The following TUSC3 variants were observed in gnomAD, a reference collection of about 807,000 sequenced individuals.
The protein encoded by TUSC3 is dolichyl-diphosphooligosaccharide--protein glycosyltransferase subunit TUSC3.
TUSC3 carries 45 observed loss-of-function variants against 44.8 expected under a neutral mutation model. The observed-to-expected ratio is 1.00, with a 90% CI of 0.79 to 1.29. The LOEUF (loss-of-function observed/expected upper bound fraction) is 1.29, where lower values mean the gene tolerates loss of function less well. TUSC3 is among the 50% of genes most tolerant of loss of function. TUSC3 has a pLI of 0.00. For synonymous variants in TUSC3, 212 were observed against 152.9 expected, an observed-to-expected ratio of 1.39 and a Z score of -2.85; for missense variants, 519 against 437.9, an observed-to-expected ratio of 1.19 and a Z score of -1.65.
chr8:15,564,614 G>T (rs771590622), intron 1 of TUSC3, among the ~76,000 whole-genome samples: 8 of 151,954 alleles, frequency 5.3e-5, no homozygotes, highest in Non-Finnish European at 1.2e-4. Flanking sequence ...TCCGTTGATG[G>T]TGTGCCAGAC....
At chr8:15,825,529 T>C in the TUSC3 span, among the ~76,000 whole-genome samples, 2 of 152,104 alleles carry the variant, frequency 1.3e-5, no homozygotes, top group Non-Finnish European at 2.9e-5. Context: ...TTATGGGAGC[T>C]ACAATTTGTG....
At chr8:15,457,745 TTAAAA>T (rs1474407663) in intron 1 of TUSC3, among the ~76,000 whole-genome samples, 2 of 147,844 alleles carry the variant, frequency 1.4e-5, no homozygotes, top group Middle Eastern at 3.6e-3. Flanking sequence ...ATCTAATAAT[TTAAAA>T]TAAAATAGAT....
intron 6 of TUSC3, among the ~76,000 whole-genome samples, chr8:15,701,619 A>C (rs377746831): frequency 4.5e-4 from 69 of 152,272 alleles, no homozygotes; most frequent in African/African-American, 1.6e-3. Flanking sequence ...AACAAAGCCA[A>C]ATGTATTAGA....
rs769667951 is a variant in TUSC3 at position 15,764,210 on chromosome 8, A to G, written c.*54A>G. On this transcript the variant is annotated 3_prime_UTR_variant, in exon 11 of 11. Transcript: ENST00000503731. ...ATTTTCTTTCTTTTTCAGCTTTTTAATTAAATGAAGCCAAGTGGGATTTGC... is the reference window on the plus strand; with the variant it reads ...ATTTTCTTTCTTTTTCAGCTTTTTAGTTAAATGAAGCCAAGTGGGATTTGC... The G allele has an allele frequency of 3.1e-6, 5 of 1,606,672 alleles. No homozygotes were observed. In the Admixed American group the frequency reaches 6.7e-5, roughly 22 times the overall value.
chr8:15,507,149 A>T (rs1304702018), intron 2 of TUSC3, among the ~76,000 whole-genome samples: 1 of 151,956 alleles, frequency 6.6e-6, no homozygotes, highest in African/African-American at 2.4e-5. Context: ...GGCCAAGGGG[A>T]GCTCCCCCTT....
At chr8:15,532,469 GA>G (rs2129130850) in intron 2 of TUSC3, among the ~76,000 whole-genome samples, 1 of 152,256 alleles carries the variant, frequency 6.6e-6, no homozygotes, top group African/African-American at 2.4e-5. Context: ...AGATCCACAG[GA>G]AAAACTATGG....
intron 1 of TUSC3, among the ~76,000 whole-genome samples, chr8:15,621,082 C>T (rs1365791473): frequency 2.0e-5 from 3 of 151,882 alleles, no homozygotes; most frequent in Non-Finnish European, 4.4e-5. Context: ...TAGACCAGTT[C>T]TCTTCTGCCC....
intron 6 of TUSC3, among the ~76,000 whole-genome samples, chr8:15,716,479 A>T (rs150743689): frequency 5.9e-5 from 9 of 152,162 alleles, no homozygotes; most frequent in African/African-American, 1.4e-4. Context: ...TGAAAAATGG[A>T]AGTATATTTG....
At chr8:15,459,212 A>T (rs1264052920) in intron 1 of TUSC3, among the ~76,000 whole-genome samples, 1 of 152,084 alleles carries the variant, frequency 6.6e-6, no homozygotes, top group African/African-American at 2.4e-5. Flanking sequence ...ACTATCAACA[A>T]ATTTTTCACT....
At chr8:15,556,867 T>A (rs781713455) in intron 1 of TUSC3, among the ~76,000 whole-genome samples, 55 of 141,462 alleles carry the variant, frequency 3.9e-4, no homozygotes, top group Non-Finnish European at 6.2e-4. Flanking sequence ...TTTTTTCTTG[T>A]AAATTTGTTT....
chr8:15,451,103 C>T (rs1052317085), intron 1 of TUSC3, among the ~76,000 whole-genome samples: 1 of 152,080 alleles, frequency 6.6e-6, no homozygotes, highest in Non-Finnish European at 1.5e-5. Context: ...GACCCTGCAT[C>T]CTAGCTACAG....
the TUSC3 span, among the ~76,000 whole-genome samples, chr8:15,830,108 G>A: frequency 6.0e-5 from 9 of 149,160 alleles, no homozygotes; most frequent in African/African-American, 2.2e-4. Context: ...AGAAATGTCT[G>A]TTCATGTCCT....
chr8:15,675,379 A>G lies in TUSC3; in HGVS notation c.798+1543A>G, dbSNP rs184914995. Among the ~76,000 whole-genome samples, 399 of 152,152 alleles carry G rather than the reference A, an allele frequency of 2.6e-3. 2 individuals are homozygous for G. The highest frequency in any genetic ancestry group is 3.8e-3 in the Non-Finnish European group (258 of 67,984). Reference sequence around the variant, plus strand: ...GTTAAAGTATACGAAAAGTTATTCAACATTCTTATGAAATGTTTTAACATA... The same window carrying G: ...GTTAAAGTATACGAAAAGTTATTCAGCATTCTTATGAAATGTTTTAACATA... On this transcript the variant is annotated intron_variant, in intron 6 of 10. Transcript: ENST00000503731.
chr8:15,424,404 A>G (rs1008756266), intron 1 of TUSC3, among the ~76,000 whole-genome samples: 2 of 152,116 alleles, frequency 1.3e-5, no homozygotes, highest in African/African-American at 2.4e-5. Context: ...CAAAATCTGG[A>G]CTATGTCTAG....
chr8:15,699,819 A>G (rs998729011), intron 6 of TUSC3, among the ~76,000 whole-genome samples: 1 of 152,116 alleles, frequency 6.6e-6, no homozygotes, highest in Non-Finnish European at 1.5e-5. Flanking sequence ...GTTAAATAGA[A>G]CTTTTAAAAT....
intron 1 of TUSC3, among the ~76,000 whole-genome samples, chr8:15,423,723 C>G (rs1054737484): frequency 6.6e-6 from 1 of 152,028 alleles, no homozygotes; most frequent in African/African-American, 2.4e-5. Context: ...AAGTGAAGGA[C>G]AAGTCAGAGG....
chr8:15,593,155 G>A (rs1320528023), intron 1 of TUSC3, among the ~76,000 whole-genome samples: 1 of 152,034 alleles, frequency 6.6e-6, no homozygotes, highest in African/African-American at 2.4e-5. Context: ...GTGTGATCTT[G>A]GCTCACTGCA....
At position 15,556,469 on chromosome 8, in the gene TUSC3, T is replaced by A. The variant is rs142397222; in HGVS notation, c.138+15901T>A. Among the ~76,000 whole-genome samples the A allele has an allele frequency of 3.9e-3, 597 of 151,680 alleles. 8 individuals carry two copies. Among genetic ancestry groups the A allele is most frequent in the African/African-American group, 0.014 (566 of 41,500 alleles). Reference sequence around the variant, plus strand: ...AATAATGCCACAGTAAACATACGTGTGCATGTGTCCTTATAGCAATACGAT... The same window carrying A: ...AATAATGCCACAGTAAACATACGTGAGCATGTGTCCTTATAGCAATACGAT... On this transcript the variant is annotated intron_variant, in intron 1 of 10. Coordinates refer to ENST00000503731, the MANE Select transcript of TUSC3 (RefSeq NM_006765.4).
At chr8:15,424,709 T>C (rs368331240) in intron 1 of TUSC3, among the ~76,000 whole-genome samples, 1 of 151,876 alleles carries the variant, frequency 6.6e-6, no homozygotes, top group South Asian at 2.1e-4. Flanking sequence ...TGAAACCCCG[T>C]CTCTACTAAA....
Sources: gnomAD v4.1 joint callset for allele counts (sites outside exome capture counted in the v4.1 genomes callset) on GRCh38, gnomAD v4.1.1 for gene constraint, MANE v1.5 for transcripts, NCBI Gene and HGNC (gene_info 2026-07-23, HGNC 2026-07-21) for gene names.